The following CNTN4 variants were observed in gnomAD, a reference collection of about 807,000 sequenced individuals.
The protein encoded by CNTN4 is contactin-4.
CNTN4 carries 77 observed loss-of-function variants against 122.5 expected under a neutral mutation model. The ratio of observed to expected loss-of-function variants is 0.63; its 90% CI spans 0.52 to 0.76. CNTN4 has a LOEUF of 0.76. CNTN4 is among the 30% of genes least tolerant of loss of function. The pLI is 0.00. For missense variants in CNTN4, 1,256 were observed against 1,259.1 expected (o/e 1.00, Z 0.04); for synonymous variants, 512 against 447.0 (o/e 1.15, Z -1.83).
chr3:2,125,758 G>A (rs1018695094), intron 2 of CNTN4, among the ~76,000 whole-genome samples: 1 of 151,566 alleles, frequency 6.6e-6, no homozygotes, highest in East Asian at 2.0e-4. Context: ...GGGTTTTACC[G>A]TGTTAAGCAG....
At chr3:2,362,615 A>C in intron 3 of CNTN4, 1 of 486,580 alleles carries the variant, frequency 2.1e-6, no homozygotes, top group Admixed American at 2.4e-5. Context: ...GTAAGAAGAT[A>C]GCAAGGGCTG....
At chr3:2,730,830 C>G (rs1367555014) in intron 4 of CNTN4, among the ~76,000 whole-genome samples, 22 of 151,980 alleles carry the variant, frequency 1.4e-4, no homozygotes, top group Admixed American at 1.4e-3. Context: ...ATTCTCTTGC[C>G]CAGCCTCGCT....
chr3:2,903,093 C>A, intron 12 of CNTN4, 88 bp downstream of exon 12: 2 of 1,359,770 alleles, frequency 1.5e-6, no homozygotes, highest in Non-Finnish European at 1.0e-6. Context: ...AATGTTCAAT[C>A]CAAGAAAAGG....
At chr3:2,846,667 T>C (rs2093461945) in intron 7 of CNTN4, among the ~76,000 whole-genome samples, 1 of 152,216 alleles carries the variant, frequency 6.6e-6, no homozygotes, top group Non-Finnish European at 1.5e-5. Context: ...ACTCCTCTGT[T>C]CATAGCTGTT....
chr3:3,018,021 G>A (rs992024224), intron 14 of CNTN4, among the ~76,000 whole-genome samples: 3 of 152,166 alleles, frequency 2.0e-5, no homozygotes, highest in Non-Finnish European at 4.4e-5. Context: ...AACTCAGGAG[G>A]AACAGAACAA....
At chr3:2,344,460 A>G (rs776212270) in intron 3 of CNTN4, among the ~76,000 whole-genome samples, 1 of 151,920 alleles carries the variant, frequency 6.6e-6, no homozygotes, top group Non-Finnish European at 1.5e-5. Context: ...TTGTATTTTT[A>G]GTAGAGATGG....
chr3:2,224,369 C>T (rs574733609), intron 2 of CNTN4, among the ~76,000 whole-genome samples: 51 of 152,212 alleles, frequency 3.4e-4, no homozygotes, highest in African/African-American at 9.6e-4. Context: ...CATCCCTGGA[C>T]GGAAATAGTC....
intron 3 of CNTN4, among the ~76,000 whole-genome samples, chr3:2,423,971 T>C (rs1401158495): frequency 1.6e-5 from 1 of 63,004 alleles, no homozygotes; most frequent in African/African-American, 6.3e-5. Context: ...TTAGGCAACA[T>C]ACCTAATGTA....
chr3:2,757,909 T>C (rs1028747699), intron 6 of CNTN4, among the ~76,000 whole-genome samples: 2 of 152,214 alleles, frequency 1.3e-5, no homozygotes, highest in African/African-American at 4.8e-5. Flanking sequence ...CCCTGAAATA[T>C]GTATTTAGGG....
At chr3:2,634,256 T>C (rs1017189298) in intron 4 of CNTN4, among the ~76,000 whole-genome samples, 2 of 152,226 alleles carry the variant, frequency 1.3e-5, no homozygotes, top group Admixed American at 1.3e-4. Context: ...CCATTTGAAC[T>C]AGTCTATAAT....
At chr3:2,338,066 T>A (rs2150344640) in intron 2 of CNTN4, among the ~76,000 whole-genome samples, 1 of 152,222 alleles carries the variant, frequency 6.6e-6, no homozygotes, top group South Asian at 2.1e-4. Flanking sequence ...AATATATAAT[T>A]TTTCATAATC....
At chr3:2,380,280 T>A (rs945487100) in intron 3 of CNTN4, among the ~76,000 whole-genome samples, 2 of 151,946 alleles carry the variant, frequency 1.3e-5, no homozygotes, top group African/African-American at 4.8e-5. Flanking sequence ...TATCTCAGCC[T>A]CAATGGTAAC....
chr3:2,562,730 T>C (rs188817204), intron 3 of CNTN4, among the ~76,000 whole-genome samples: 8 of 152,078 alleles, frequency 5.3e-5, no homozygotes, highest in Admixed American at 4.6e-4. Flanking sequence ...TTTTTTTCCT[T>C]TTCTTGTTTT....
chr3:2,372,304 A>AG (rs1167126996), intron 3 of CNTN4, among the ~76,000 whole-genome samples: 1 of 152,230 alleles, frequency 6.6e-6, no homozygotes, highest in Non-Finnish European at 1.5e-5. Flanking sequence ...GCTTGCTGAA[A>AG]GCAGATAAAC....
intron 2 of CNTN4, among the ~76,000 whole-genome samples, chr3:2,213,330 C>T (rs991978655): frequency 2.0e-5 from 3 of 152,174 alleles, no homozygotes; most frequent in Non-Finnish European, 4.4e-5. Flanking sequence ...CCCCTTGCCT[C>T]CCTGGAGCCT....
chr3:2,915,625 G>A (rs956050464), intron 12 of CNTN4, among the ~76,000 whole-genome samples: 2 of 152,158 alleles, frequency 1.3e-5, no homozygotes, highest in Non-Finnish European at 2.9e-5. Flanking sequence ...TGCTAAGCAT[G>A]ATGTTACTCA....
At chr3:2,195,679 C>T (rs960436530) in intron 2 of CNTN4, among the ~76,000 whole-genome samples, 3 of 152,154 alleles carry the variant, frequency 2.0e-5, no homozygotes, top group Admixed American at 6.6e-5. Flanking sequence ...TCCAGAATAT[C>T]GGTAAGCCCA....
chr3:2,823,685 A>C (rs931283039), intron 7 of CNTN4, among the ~76,000 whole-genome samples: 1 of 152,194 alleles, frequency 6.6e-6, no homozygotes, highest in Non-Finnish European at 1.5e-5. Context: ...CATGACCTTT[A>C]ACCAAGCTCT....
chr3:2,457,419 A>C (rs2049043223), intron 3 of CNTN4, among the ~76,000 whole-genome samples: 1 of 152,172 alleles, frequency 6.6e-6, no homozygotes, highest in Non-Finnish European at 1.5e-5. Flanking sequence ...AGCACAGAGT[A>C]TGCCTGTTGG....
Sources: allele counts gnomAD v4.1 joint callset (sites outside exome capture counted in the v4.1 genomes callset), GRCh38; gene constraint gnomAD v4.1.1; transcripts MANE v1.5; gene names NCBI Gene and HGNC (gene_info 2026-07-23, HGNC 2026-07-21).